BTBD9: variants seen among roughly 807,000 people sequenced by gnomAD.
The protein encoded by BTBD9 is BTB domain containing 9.
A neutral mutation model predicts 64.3 loss-of-function variants in BTBD9; 49 were observed. The observed-to-expected ratio is 0.76, with a 90% CI of 0.61 to 0.97. The LOEUF is 0.97. Ranked by LOEUF, BTBD9 falls within the 50% of genes least tolerant of loss-of-function variation. BTBD9 has a pLI of 0.00. For synonymous variants in BTBD9, 260 were observed against 274.7 expected, an observed-to-expected ratio of 0.95 and a Z score of 0.53; for missense variants, 598 against 762.1, an observed-to-expected ratio of 0.78 and a Z score of 2.53.
intron 9 of BTBD9, among the ~76,000 whole-genome samples, chr6:38,219,244 CCCA>C (rs1324613184): frequency 1.3e-5 from 2 of 151,468 alleles, no homozygotes; most frequent in Non-Finnish European, 2.9e-5. Context: ...AAACAATTCC[CCCA>C]CCTCAGCCTC....
At chr6:38,369,188 C>T (rs541583957) in intron 6 of BTBD9, among the ~76,000 whole-genome samples, 3 of 152,322 alleles carry the variant, frequency 2.0e-5, no homozygotes, top group South Asian at 4.1e-4. Flanking sequence ...TCATCTCCCA[C>T]CTGAAACACT....
chr6:38,458,578 C>A (rs1303038482), intron 6 of BTBD9, among the ~76,000 whole-genome samples: 10 of 152,176 alleles, frequency 6.6e-5, no homozygotes, highest in Non-Finnish European at 1.3e-4. Context: ...AACATCATAA[C>A]TCAGCAAAAA....
chr6:38,433,440 T>A (rs1384616929), intron 6 of BTBD9, among the ~76,000 whole-genome samples: 1 of 151,868 alleles, frequency 6.6e-6, no homozygotes, highest in African/African-American at 2.4e-5. Context: ...ATTCCACCAT[T>A]GTGATTTGTT....
At chr6:38,365,190 T>G (rs1217893306) in intron 6 of BTBD9, among the ~76,000 whole-genome samples, 1 of 152,218 alleles carries the variant, frequency 6.6e-6, no homozygotes, top group Non-Finnish European at 1.5e-5. Context: ...CTGTTTTCAC[T>G]CATTAAATTC....
Position 38,592,644 on chromosome 6 carries a change from G to GCA in BTBD9, c.744_745dup (p.Ala249ValfsTer33). On this transcript the variant is annotated frameshift_variant, in exon 4 of 11. Coordinates refer to ENST00000481247, the MANE Select transcript of BTBD9 (RefSeq NM_001099272.2). LOFTEE classifies it high-confidence loss of function. ...TCGCACTTTAATGGCATCCAGGATG[G>GCA]CATCAGGAGACAGCAGTCCTGAAGG... 6.2e-7 allele frequency: 1 copy of GCA among 1,614,068 alleles called. No individual in the cohort carries two copies. The highest frequency in any genetic ancestry group is 8.5e-7 in the Non-Finnish European group (1 of 1,179,992).
rs1453158789 is a variant in BTBD9 at position 38,465,735 on chromosome 6, ATATATATATATATATATATATG to A, written c.1154+111843_1154+111864del. Among the ~76,000 whole-genome samples the A allele has an allele frequency of 9.3e-3, 493 of 52,870 alleles. 10 individuals carry two copies. The highest frequency in any genetic ancestry group is 0.026 in the African/African-American group (405 of 15,652). The allele number at this position is 52,870 out of a possible 152,430, so 34.7% of individuals were successfully genotyped here. ...TATATATATATATATATATATATAT[ATATATATATATATATATATATG>A]TATGTATGTATGTATTTCAGTTATT... On this transcript the variant is annotated intron_variant, in intron 6 of 10. Coordinates refer to ENST00000481247, the MANE Select transcript of BTBD9 (RefSeq NM_001099272.2).
chr6:38,617,067 G>A (rs1777816953), intron 1 of BTBD9, among the ~76,000 whole-genome samples: 1 of 152,136 alleles, frequency 6.6e-6, no homozygotes, highest in South Asian at 2.1e-4. Context: ...GCACCTGTCA[G>A]CCAGTTAAAA....
intron 6 of BTBD9, among the ~76,000 whole-genome samples, chr6:38,478,138 G>C (rs1770976053): frequency 6.6e-6 from 1 of 152,102 alleles, no homozygotes; most frequent in African/African-American, 2.4e-5. Flanking sequence ...TCCCTCAACT[G>C]CTTCCTACCA....
In BTBD9 at chr6:38,607,884, G is replaced by GA. The variant is rs538231249; in HGVS notation, c.-27-9764dup. The stretch of plus-strand genomic sequence containing the variant: ...AAAACAACCTTTCCCAAGTAACTAT[G>GA]AAAAAACAAACAGAATCATTCAAAT... On this transcript the variant is annotated intron_variant, in intron 1 of 10. Coordinates refer to ENST00000481247, the MANE Select transcript of BTBD9 (RefSeq NM_001099272.2). Among the ~76,000 whole-genome samples, 423 of 151,942 alleles carry GA rather than the reference G, an allele frequency of 2.8e-3. 1 individual carries two copies. The highest frequency in any genetic ancestry group is 4.0e-3 in the Non-Finnish European group (270 of 67,944).
chr6:38,229,838 A>T (rs995669477), intron 9 of BTBD9, among the ~76,000 whole-genome samples: 3 of 152,142 alleles, frequency 2.0e-5, no homozygotes, highest in Non-Finnish European at 4.4e-5. Context: ...ATCGTTTTGA[A>T]TTTCATGTCT....
rs1582542272 is a variant in BTBD9 at position 38,505,114 on chromosome 6, A to C, written c.1154+72486T>G. 2.6e-5 allele frequency among the ~76,000 whole-genome samples: 4 copies of C among 152,196 alleles called. No individual in the cohort carries two copies. In the South Asian group the frequency reaches 6.2e-4, roughly 24 times the overall value. ...CTCCTCCCTCATAAGCTGCTTTCTC[A>C]ATTTTTTCTTACAAGTTATATCTCC... On this transcript the variant is annotated intron_variant, in intron 6 of 10. Coordinates refer to ENST00000481247, the MANE Select transcript of BTBD9 (RefSeq NM_001099272.2).
At chr6:38,519,418 T>C (rs1470828017) in intron 6 of BTBD9, among the ~76,000 whole-genome samples, 1 of 152,222 alleles carries the variant, frequency 6.6e-6, no homozygotes, top group Non-Finnish European at 1.5e-5. Context: ...TTGAAGTGAA[T>C]TTTTTAAAGA....
intron 6 of BTBD9, among the ~76,000 whole-genome samples, chr6:38,574,761 T>C (rs540890607): frequency 3.3e-5 from 5 of 152,106 alleles, no homozygotes; most frequent in Non-Finnish European, 7.4e-5. Flanking sequence ...AACACAAATA[T>C]GAGGTGAAAC....
chr6:38,273,193 T>G (rs1765252809), intron 8 of BTBD9, among the ~76,000 whole-genome samples: 1 of 152,212 alleles, frequency 6.6e-6, no homozygotes, highest in Non-Finnish European at 1.5e-5. Flanking sequence ...ATCCAAAGCT[T>G]ATTCTTGGTT....
chr6:38,276,075 A>C (rs1009475077), intron 8 of BTBD9, among the ~76,000 whole-genome samples: 18 of 152,212 alleles, frequency 1.2e-4, no homozygotes, highest in Non-Finnish European at 2.1e-4. Context: ...CACTATTCAC[A>C]ATAGCAAAGA....
At chr6:38,504,449 A>G in intron 6 of BTBD9, 1 of 408,880 alleles carries the variant, frequency 2.4e-6, no homozygotes, top group Non-Finnish European at 4.9e-6. Context: ...TTTCCCTATG[A>G]AAGTCCAATC....
At chr6:38,413,257 G>A (rs997391441) in intron 6 of BTBD9, among the ~76,000 whole-genome samples, 3 of 152,156 alleles carry the variant, frequency 2.0e-5, no homozygotes, top group Non-Finnish European at 4.4e-5. Context: ...AAATGTCCAC[G>A]TGGGTGGCAT....
chr6:38,534,097 G>A (rs1172432067), intron 6 of BTBD9, among the ~76,000 whole-genome samples: 3 of 151,720 alleles, frequency 2.0e-5, no homozygotes, highest in African/African-American at 7.3e-5. Context: ...ACAAAGACTT[G>A]GTTTTTTGAA....
At chr6:38,451,444 T>C (rs1190213138) in intron 6 of BTBD9, among the ~76,000 whole-genome samples, 2 of 152,182 alleles carry the variant, frequency 1.3e-5, no homozygotes, top group African/African-American at 4.8e-5. Flanking sequence ...GACATTTTCT[T>C]TCAGCGTTCT....
Sources: allele counts gnomAD v4.1 joint callset (sites outside exome capture counted in the v4.1 genomes callset), GRCh38; gene constraint gnomAD v4.1.1; transcripts MANE v1.5; gene names NCBI Gene and HGNC (gene_info 2026-07-23, HGNC 2026-07-21).